The following DLC1 variants were observed in gnomAD, a reference collection of about 807,000 sequenced individuals.
The protein encoded by DLC1 is DLC1 Rho GTPase activating protein.
Under a neutral mutation model 140.3 loss-of-function variants are expected in DLC1, and 54 were observed. The ratio of observed to expected loss-of-function variants is 0.38; its 90% CI spans 0.31 to 0.48. The LOEUF (loss-of-function observed/expected upper bound fraction) is 0.48, where lower values mean the gene tolerates loss of function less well. Ranked by LOEUF, DLC1 falls within the 20% of genes least tolerant of loss-of-function variation. The pLI, the probability that DLC1 is intolerant of heterozygous loss-of-function variation, is 0.96. For missense variants in DLC1, 2,536 were observed against 1,907.0 expected (o/e 1.33, Z -6.14); for synonymous variants, 986 against 728.1 (o/e 1.35, Z -5.70).
At chr8:13,134,392 C>A (rs908990400) in intron 5 of DLC1, among the ~76,000 whole-genome samples, 1 of 152,086 alleles carries the variant, frequency 6.6e-6, no homozygotes, top group Non-Finnish European at 1.5e-5. Flanking sequence ...GCAAAAGAGA[C>A]AAATATCCCT....
At chr8:13,369,063 C>G (rs1331502778) in intron 4 of DLC1, among the ~76,000 whole-genome samples, 1 of 152,150 alleles carries the variant, frequency 6.6e-6, no homozygotes, top group Non-Finnish European at 1.5e-5. Flanking sequence ...CTCAAATGAT[C>G]TGATTGCCTC....
At chr8:13,244,298 T>A (rs1022613394) in intron 5 of DLC1, among the ~76,000 whole-genome samples, 1 of 70,622 alleles carries the variant, frequency 1.4e-5, no homozygotes, top group African/African-American at 5.5e-5. Flanking sequence ...CCCTTTCCAA[T>A]TTTTTTTTTT....
intron 4 of DLC1, among the ~76,000 whole-genome samples, chr8:13,375,972 T>C (rs1383008571): frequency 6.6e-6 from 1 of 152,180 alleles, no homozygotes; most frequent in Non-Finnish European, 1.5e-5. Flanking sequence ...GAGTGACTTG[T>C]AGATTTTCAA....
chr8:13,263,803 G>A (rs1157079140), intron 5 of DLC1, among the ~76,000 whole-genome samples: 1 of 151,318 alleles, frequency 6.6e-6, no homozygotes, highest in African/African-American at 2.4e-5. Flanking sequence ...ATTGGTGGAT[G>A]TGTAATATAT....
At chr8:13,379,747 A>T (rs909717116) in intron 4 of DLC1, among the ~76,000 whole-genome samples, 5 of 152,150 alleles carry the variant, frequency 3.3e-5, no homozygotes, top group Admixed American at 1.3e-4. Context: ...TCAACCCATC[A>T]TCTAGGTTTT....
intron 4 of DLC1, among the ~76,000 whole-genome samples, chr8:13,346,543 C>G (rs1461460528): frequency 6.6e-6 from 1 of 152,192 alleles, no homozygotes; most frequent in African/African-American, 2.4e-5. Flanking sequence ...TAAACCATCA[C>G]ATATGTAAAG....
chr8:13,308,959 T>C (rs926755205), intron 4 of DLC1, among the ~76,000 whole-genome samples: 2 of 152,190 alleles, frequency 1.3e-5, no homozygotes, highest in African/African-American at 2.4e-5. Flanking sequence ...TCACACAAGC[T>C]GACTGTATAG....
At chr8:13,148,464 G>T (rs182574630) in intron 5 of DLC1, among the ~76,000 whole-genome samples, 2 of 152,194 alleles carry the variant, frequency 1.3e-5, no homozygotes, top group Non-Finnish European at 2.9e-5. Context: ...ACAGGGTTCT[G>T]TTCGTTTTTG....
chr8:13,357,355 A>G (rs1834993860), intron 4 of DLC1, among the ~76,000 whole-genome samples: 1 of 152,248 alleles, frequency 6.6e-6, no homozygotes, highest in South Asian at 2.1e-4. Flanking sequence ...GCACCATGTC[A>G]GAGAAAACTG....
At chr8:13,501,388 A>G (rs1401594312) in intron 1 of DLC1, among the ~76,000 whole-genome samples, 2 of 152,172 alleles carry the variant, frequency 1.3e-5, no homozygotes, top group African/African-American at 2.4e-5. Flanking sequence ...TTTGCCCCAC[A>G]ATGAAACTAT....
At chr8:13,118,821 A>G (rs1820792598) in intron 5 of DLC1, among the ~76,000 whole-genome samples, 1 of 152,128 alleles carries the variant, frequency 6.6e-6, no homozygotes, top group Admixed American at 6.6e-5. Context: ...CTGGGTCTGT[A>G]AACAACCCTC....
intron 2 of DLC1, among the ~76,000 whole-genome samples, chr8:13,477,238 T>C (rs1051956362): frequency 4.6e-5 from 7 of 152,190 alleles, no homozygotes; most frequent in African/African-American, 1.7e-4. Context: ...CCCCATTCAT[T>C]TTTCTTCCTT....
chr8:13,102,311 C>T (rs186927116), intron 8 of DLC1, among the ~76,000 whole-genome samples: 40 of 152,280 alleles, frequency 2.6e-4, no homozygotes, highest in Non-Finnish European at 4.4e-4. Flanking sequence ...CCTGCCTTCT[C>T]CTCTTCCTCT....
At chr8:13,529,487 T>C (rs1031000514) in intron 1 of DLC1, among the ~76,000 whole-genome samples, 1 of 152,224 alleles carries the variant, frequency 6.6e-6, no homozygotes. Context: ...AAAATTATAC[T>C]TAATTACTCT....
At chr8:13,323,929 A>G (rs1005026210) in intron 4 of DLC1, among the ~76,000 whole-genome samples, 2 of 152,196 alleles carry the variant, frequency 1.3e-5, no homozygotes, top group African/African-American at 4.8e-5. Flanking sequence ...GTGTAAATCA[A>G]TTCAGCAAAG....
At chr8:13,515,091 C>T (rs193132369), upstream of DLC1, among the ~76,000 whole-genome samples, 240 of 152,072 alleles carry the variant, frequency 1.6e-3, 3 homozygotes, top group Middle Eastern at 0.014. Flanking sequence ...TCCCACACTG[C>T]TTATGAAAAA....
intron 5 of DLC1, among the ~76,000 whole-genome samples, chr8:13,261,344 G>A (rs1160575175): frequency 1.3e-5 from 2 of 150,204 alleles, no homozygotes; most frequent in African/African-American, 4.9e-5. Flanking sequence ...AGAGGCCAGA[G>A]TGTATAGAAT....
chr8:13,520,193 A>G (rs1043449481), intron 1 of DLC1, among the ~76,000 whole-genome samples: 1 of 152,252 alleles, frequency 6.6e-6, no homozygotes, highest in South Asian at 2.1e-4. Context: ...TTGTGGCAAT[A>G]TTCACAATAG....
chr8:13,366,126 C>G (rs2444946), intron 4 of DLC1, among the ~76,000 whole-genome samples: 56,687 of 152,048 alleles, frequency 0.37, 11,091 homozygotes, highest in East Asian at 0.74. Flanking sequence ...AGAGAAGCCT[C>G]TACGGCTCGT....
Sources: gnomAD v4.1 joint callset for allele counts (sites outside exome capture counted in the v4.1 genomes callset) on GRCh38, gnomAD v4.1.1 for gene constraint, MANE v1.5 for transcripts, NCBI Gene and HGNC (gene_info 2026-07-23, HGNC 2026-07-21) for gene names.